The following VRK2 variants were observed in gnomAD, a reference collection of about 807,000 sequenced individuals.
The protein encoded by VRK2 is VRK serine/threonine kinase 2.
Under a neutral mutation model 57.6 loss-of-function variants are expected in VRK2, and 60 were observed. That is an observed-to-expected ratio of 1.04 (90% CI 0.85 to 1.29). The LOEUF is 1.29. Among genes scored for constraint, VRK2 ranks in the 50% most tolerant of loss-of-function variants. VRK2 has a pLI of 0.00. For missense variants in VRK2, 705 were observed against 588.1 expected (o/e 1.20, Z -2.06); for synonymous variants, 231 against 199.2 (o/e 1.16, Z -1.35).
intron 2 of VRK2, among the ~76,000 whole-genome samples, chr2:58,063,731 T>C (rs950953761): frequency 2.6e-5 from 4 of 152,096 alleles, no homozygotes; most frequent in African/African-American, 9.7e-5. Flanking sequence ...TTCAAGTTCT[T>C]ACTATTTAAG....
chr2:57,929,364 C>T (rs2103927073), intron 1 of VRK2, among the ~76,000 whole-genome samples: 1 of 152,284 alleles, frequency 6.6e-6, no homozygotes, highest in South Asian at 2.1e-4. Context: ...TGAGTACTGC[C>T]TAACCACCAC....
At position 58,103,107 on chromosome 2, in the gene VRK2, A is replaced by G. The variant is rs372027120; in HGVS notation, c.543+13384A>G. On this transcript the variant is annotated intron_variant, in intron 7 of 12. Transcript: ENST00000340157. ...AAGCACTGCTAACAGGGAAGTTTAT[A>G]TCTTTAAGTGTGTACTTCAAAAAAA... Among the ~76,000 whole-genome samples, 5 of 151,692 alleles carry G rather than the reference A, an allele frequency of 3.3e-5. No individual in the cohort carries two copies. In the East Asian group the frequency reaches 7.7e-4, roughly 23 times the overall value.
intron 1 of VRK2, among the ~76,000 whole-genome samples, chr2:58,003,624 G>A (rs961276184): frequency 4.6e-5 from 7 of 152,162 alleles, no homozygotes; most frequent in African/African-American, 1.4e-4. Context: ...TAGTTTATCT[G>A]AAATTTAACT....
intron 2 of VRK2, among the ~76,000 whole-genome samples, chr2:58,082,439 A>C (rs1348301233): frequency 1.3e-5 from 2 of 151,884 alleles, no homozygotes; most frequent in Non-Finnish European, 2.9e-5. Flanking sequence ...CATCTACCTC[A>C]GGTAGCAAAG....
intron 1 of VRK2, among the ~76,000 whole-genome samples, chr2:58,011,817 A>T (rs892767205): frequency 3.9e-5 from 6 of 152,216 alleles, no homozygotes; most frequent in African/African-American, 1.4e-4. Context: ...TATCTGAACT[A>T]AATATCACTC....
At chr2:58,100,168 G>A (rs1259410585) in intron 7 of VRK2, among the ~76,000 whole-genome samples, 3 of 151,966 alleles carry the variant, frequency 2.0e-5, no homozygotes, top group Admixed American at 2.0e-4. Flanking sequence ...ACTGTTTGCT[G>A]AAGGGAATTC....
upstream of VRK2, among the ~76,000 whole-genome samples, chr2:58,044,345 G>A (rs527890443): frequency 2.0e-5 from 3 of 152,168 alleles, no homozygotes; most frequent in South Asian, 6.2e-4. Context: ...TGCTTATTTT[G>A]TACTGTCTAA....
At chr2:57,952,387 T>C (rs186998578) in intron 1 of VRK2, among the ~76,000 whole-genome samples, 1 of 152,136 alleles carries the variant, frequency 6.6e-6, no homozygotes, top group Non-Finnish European at 1.5e-5. Flanking sequence ...GAGATCTTAA[T>C]AGAGATTAAA....
chr2:57,930,834 T>C (rs903246575), intron 1 of VRK2, among the ~76,000 whole-genome samples: 2 of 152,190 alleles, frequency 1.3e-5, no homozygotes, highest in African/African-American at 4.8e-5. Flanking sequence ...ATAAGAGATA[T>C]CATGCAGTAT....
intron 3 of VRK2, 80 bp from the exon 4 acceptor site, chr2:58,084,801 C>T (rs1185980736): frequency 1.1e-6 from 1 of 932,376 alleles, no homozygotes. Context: ...TATATATGTT[C>T]ATATTTTCAC....
intron 1 of VRK2, among the ~76,000 whole-genome samples, chr2:57,911,594 G>A (rs1669987494): frequency 6.6e-6 from 1 of 152,092 alleles, no homozygotes; most frequent in South Asian, 2.1e-4. Flanking sequence ...CATTCAAAGA[G>A]GTAAGTACTG....
intron 2 of VRK2, among the ~76,000 whole-genome samples, chr2:58,052,438 T>C (rs1016060787): frequency 6.6e-6 from 1 of 152,000 alleles, no homozygotes; most frequent in Non-Finnish European, 1.5e-5. Flanking sequence ...ACCCCATCTC[T>C]ACTAAAACAC....
At chr2:58,112,548 C>T (rs1306379180) in intron 7 of VRK2, among the ~76,000 whole-genome samples, 2 of 148,094 alleles carry the variant, frequency 1.4e-5, no homozygotes, top group Non-Finnish European at 3.0e-5. Flanking sequence ...TGAAGGGTCA[C>T]TGGAATGAGC....
chr2:58,155,917 G>GTTTTTT (rs1395049481), intron 12 of VRK2, among the ~76,000 whole-genome samples: 1 of 134,390 alleles, frequency 7.4e-6, no homozygotes, highest in African/African-American at 2.7e-5. Flanking sequence ...TGTTTTTCAT[G>GTTTTTT]TTTGTTTTTT....
At chr2:58,121,348 A>AT (rs1677487739) in intron 7 of VRK2, among the ~76,000 whole-genome samples, 1 of 152,146 alleles carries the variant, frequency 6.6e-6, no homozygotes. Context: ...CAGTATGTTC[A>AT]TTTTTCTGAT....
At chr2:57,921,795 A>G (rs1449905806) in intron 1 of VRK2, among the ~76,000 whole-genome samples, 1 of 152,120 alleles carries the variant, frequency 6.6e-6, no homozygotes, top group Non-Finnish European at 1.5e-5. Flanking sequence ...ATGTTTTATA[A>G]TAGCCCCTCC....
chr2:57,953,379 T>C (rs1046634772), intron 1 of VRK2, among the ~76,000 whole-genome samples: 23 of 152,184 alleles, frequency 1.5e-4, no homozygotes, highest in Admixed American at 7.9e-4. Context: ...TCCATATCTA[T>C]AATACAGATT....
intron 8 of VRK2, among the ~76,000 whole-genome samples, chr2:58,124,793 G>A (rs184021304): frequency 2.0e-3 from 303 of 152,008 alleles, no homozygotes; most frequent in African/African-American, 7.0e-3. Context: ...TTTCTGAAAC[G>A]GAAATTATCT....
At chr2:58,023,863 G>C (rs1210116911) in intron 1 of VRK2, among the ~76,000 whole-genome samples, 1 of 151,946 alleles carries the variant, frequency 6.6e-6, no homozygotes, top group Non-Finnish European at 1.5e-5. Flanking sequence ...GCTTTGGAGA[G>C]GAGTGGTCAT....
Sources: allele counts gnomAD v4.1 joint callset (sites outside exome capture counted in the v4.1 genomes callset), GRCh38; gene constraint gnomAD v4.1.1; transcripts MANE v1.5; gene names NCBI Gene and HGNC (gene_info 2026-07-23, HGNC 2026-07-21).